The following CCDC175 variants were observed in gnomAD, a reference collection of about 807,000 sequenced individuals.
CCDC175 encodes the protein coiled-coil domain containing 175.
CCDC175 carries 100 observed loss-of-function variants against 114.6 expected under a neutral mutation model. That is an observed-to-expected ratio of 0.87 (90% CI 0.74 to 1.03). The LOEUF (loss-of-function observed/expected upper bound fraction) is 1.03, where lower values mean the gene tolerates loss of function less well. Among genes scored for constraint, CCDC175 ranks in the 50% least tolerant of loss-of-function variants. The pLI is 0.00. For missense variants in CCDC175, 880 were observed against 917.8 expected, an observed-to-expected ratio of 0.96 and a Z score of 0.53; for synonymous variants, 306 against 308.7, an observed-to-expected ratio of 0.99 and a Z score of 0.09.
At chr14:59,514,177 A>G (rs1190717022) in intron 17 of CCDC175, among the ~76,000 whole-genome samples, 1 of 152,230 alleles carries the variant, frequency 6.6e-6, no homozygotes, top group Non-Finnish European at 1.5e-5. Context: ...CGTCACCATC[A>G]TCAAAGACCA....
At chr14:59,566,204 G>A (rs763599561) in intron 4 of CCDC175, among the ~76,000 whole-genome samples, 5 of 152,144 alleles carry the variant, frequency 3.3e-5, no homozygotes, top group Non-Finnish European at 5.9e-5. Context: ...CATCCATTGC[G>A]GGCGGTGTCC....
chr14:59,570,652 C>A (rs185258564), intron 3 of CCDC175, among the ~76,000 whole-genome samples: 2 of 152,124 alleles, frequency 1.3e-5, no homozygotes, highest in African/African-American at 2.4e-5. Flanking sequence ...GGGAGCCAGA[C>A]CTTTATACCC....
intron 2 of CCDC175, among the ~76,000 whole-genome samples, chr14:59,573,708 G>T (rs1297582875): frequency 6.6e-6 from 1 of 151,070 alleles, no homozygotes; most frequent in African/African-American, 2.4e-5. Context: ...TCTGCCTCCT[G>T]GTTTCAAGCA....
intron 2 of CCDC175, among the ~76,000 whole-genome samples, chr14:59,573,573 A>T (rs1896947089): frequency 2.0e-5 from 3 of 150,290 alleles, no homozygotes; most frequent in Admixed American, 6.6e-5. Flanking sequence ...GTCAACATGT[A>T]TTACTTTTAA....
At chr14:59,560,407 G>T (rs1896162016) in intron 7 of CCDC175, among the ~76,000 whole-genome samples, 2 of 152,136 alleles carry the variant, frequency 1.3e-5, no homozygotes, top group African/African-American at 4.8e-5. Flanking sequence ...GTGCAGAGCT[G>T]ATTGGATCAG....
intron 17 of CCDC175, among the ~76,000 whole-genome samples, chr14:59,520,067 T>C (rs572009886): frequency 6.6e-6 from 1 of 152,364 alleles, no homozygotes; most frequent in Admixed American, 6.5e-5. Context: ...AGCAGACATT[T>C]AGTTGTCTTC....
At chr14:59,550,670 C>G (rs1895412108) in intron 8 of CCDC175, among the ~76,000 whole-genome samples, 1 of 152,114 alleles carries the variant, frequency 6.6e-6, no homozygotes, top group Non-Finnish European at 1.5e-5. Context: ...AGTACCAAAG[C>G]TGAAGAACCT....
chr14:59,512,077 A>G (rs1283355381), intron 17 of CCDC175, among the ~76,000 whole-genome samples: 1 of 152,210 alleles, frequency 6.6e-6, no homozygotes, highest in Non-Finnish European at 1.5e-5. Context: ...GGGTCCTGCA[A>G]TCACCCAGCT....
chr14:59,543,503 AAC>A (rs1196609078), intron 9 of CCDC175, 49 bp from the exon 10 acceptor site: 1 of 621,458 alleles, frequency 1.6e-6, no homozygotes, highest in Non-Finnish European at 2.5e-6. Flanking sequence ...TAAATATGCA[AAC>A]ACAAATAAGA....
chr14:59,548,239 CT>C (rs1355713731), intron 8 of CCDC175, among the ~76,000 whole-genome samples: 12 of 151,858 alleles, frequency 7.9e-5, no homozygotes, highest in Middle Eastern at 3.4e-3. Flanking sequence ...TACGCAAAAT[CT>C]AAAAAAAAAC....
At position 59,544,244 on chromosome 14, in the gene CCDC175, G is replaced by C. The variant is rs147053483; in HGVS notation, c.1173-790C>G. Among the ~76,000 whole-genome samples the C allele has an allele frequency of 1.1e-4, 17 of 152,210 alleles. No individual in the cohort carries two copies. In the East Asian group the frequency reaches 3.3e-3, roughly 29 times the overall value. On this transcript the variant is annotated intron_variant, in intron 9 of 19. Transcript: ENST00000537690. ...TGCAATGGTATGATCTTAGCTTACTGTAACCTCCGCCTCCTGGGTTGAAGC... is the reference window on the plus strand; with the variant it reads ...TGCAATGGTATGATCTTAGCTTACTCTAACCTCCGCCTCCTGGGTTGAAGC...
intron 8 of CCDC175, among the ~76,000 whole-genome samples, chr14:59,549,720 A>AAAAAAAAAAAAAAAAG (rs1895343583): frequency 2.4e-5 from 1 of 41,336 alleles, no homozygotes; most frequent in Non-Finnish European, 6.3e-5. Flanking sequence ...ACTATGTCTC[A>AAAAAAAAAAAAAAAAG]AAAAAAAAAA....
intron 8 of CCDC175, among the ~76,000 whole-genome samples, chr14:59,546,666 G>A (rs921828920): frequency 3.9e-5 from 6 of 151,952 alleles, no homozygotes; most frequent in African/African-American, 1.5e-4. Flanking sequence ...TGCTCATCCA[G>A]GTGTTGAGCC....
chr14:59,531,017 C>T (rs572852268), intron 14 of CCDC175, among the ~76,000 whole-genome samples: 2 of 152,018 alleles, frequency 1.3e-5, no homozygotes, highest in African/African-American at 4.8e-5. Context: ...TGATTCTGGG[C>T]CAGGCACAGC....
At chr14:59,521,548 A>G (rs1317943218) in intron 17 of CCDC175, 26 bp downstream of exon 17, 1 of 1,308,082 alleles carries the variant, frequency 7.6e-7, no homozygotes, top group Admixed American at 2.0e-5. Flanking sequence ...AACCCTGACT[A>G]ATACAAGCAC....
In CCDC175 at chr14:59,525,385, T is replaced by A. The variant is rs935948534; in HGVS notation, c.1892A>T (p.Lys631Ile). 98 of 1,521,832 alleles carry A rather than the reference T, an allele frequency of 6.4e-5. No individual in the cohort carries two copies. In the Admixed American group the frequency reaches 1.9e-3, roughly 29 times the overall value. 94.3% of individuals were successfully genotyped at this position (1,521,832 alleles called of 1,614,324 possible). ...TAGAGTTTCAAAATGATCTTTGTTT[T>A]TTTTGCTTTCTTGATCTCGTAATTG... ...LQQLRDQESK[K>I]NKDHFETLKN... The change falls in exon 16 of 20, where the codon AAA becomes ATA. Residue 631 changes from lysine to isoleucine, a missense_variant. Physicochemically the swap from Lys to Ile is moderately radical, Grantham distance 102. Transcript: ENST00000537690.
intron 7 of CCDC175, among the ~76,000 whole-genome samples, chr14:59,560,012 T>G (rs1438239436): frequency 6.6e-6 from 1 of 152,156 alleles, no homozygotes; most frequent in Non-Finnish European, 1.5e-5. Flanking sequence ...TCACTATGAC[T>G]TTTTTGTCTA....
At chr14:59,537,577 G>C (rs1476620995) in intron 13 of CCDC175, among the ~76,000 whole-genome samples, 1 of 151,954 alleles carries the variant, frequency 6.6e-6, no homozygotes, top group Non-Finnish European at 1.5e-5. Context: ...GGCACTTCTG[G>C]GTACTTTCAG....
intron 7 of CCDC175, among the ~76,000 whole-genome samples, chr14:59,560,810 GT>G (rs1471957972): frequency 6.6e-6 from 1 of 152,056 alleles, no homozygotes; most frequent in Non-Finnish European, 1.5e-5. Flanking sequence ...CACTAATGCC[GT>G]CCCTCATGGG....
Sources: gnomAD v4.1 joint callset for allele counts (sites outside exome capture counted in the v4.1 genomes callset) on GRCh38, gnomAD v4.1.1 for gene constraint, MANE v1.5 for transcripts, NCBI Gene and HGNC (gene_info 2026-07-23, HGNC 2026-07-21) for gene names.